The following RUNX2 variants were observed in gnomAD, a reference collection of about 807,000 sequenced individuals.
The protein encoded by RUNX2 is runt-related transcription factor 2.
Under a neutral mutation model 51.7 loss-of-function variants are expected in RUNX2, and 10 were observed. That is an observed-to-expected ratio of 0.19 (90% CI 0.12 to 0.33). The LOEUF (loss-of-function observed/expected upper bound fraction) is 0.33, where lower values mean the gene tolerates loss of function less well. Ranked by LOEUF, RUNX2 falls within the 10% of genes least tolerant of loss-of-function variation. RUNX2 has a pLI of 1.00. For synonymous variants in RUNX2, 276 were observed against 273.6 expected (o/e 1.01, Z -0.09); for missense variants, 562 against 691.3 (o/e 0.81, Z 2.10).
chr6:45,337,333 G>A (rs989505668), intron 2 of RUNX2, among the ~76,000 whole-genome samples: 104 of 151,372 alleles, frequency 6.9e-4, no homozygotes, highest in African/African-American at 2.3e-3. Context: ...TTTCCTGTAC[G>A]TACCTCTTCC....
intron 6 of RUNX2, among the ~76,000 whole-genome samples, chr6:45,496,091 C>T (rs1161781351): frequency 6.6e-6 from 1 of 152,130 alleles, no homozygotes; most frequent in Non-Finnish European, 1.5e-5. Context: ...AACACCTAGT[C>T]TGTCACAAAT....
intron 7 of RUNX2, among the ~76,000 whole-genome samples, chr6:45,522,093 G>C (rs1801524093): frequency 6.6e-6 from 1 of 152,102 alleles, no homozygotes; most frequent in African/African-American, 2.4e-5. Flanking sequence ...TACATTAGTA[G>C]TCCCTGGCAT....
chr6:45,391,294 T>C (rs1797464521), intron 2 of RUNX2, among the ~76,000 whole-genome samples: 2 of 152,182 alleles, frequency 1.3e-5, no homozygotes, highest in African/African-American at 4.8e-5. Flanking sequence ...TGTTAGTTTA[T>C]ATGAGATTCT....
intron 2 of RUNX2, among the ~76,000 whole-genome samples, chr6:45,409,503 A>G (rs1379117883): frequency 6.6e-6 from 1 of 152,190 alleles, no homozygotes; most frequent in African/African-American, 2.4e-5. Flanking sequence ...TTTTCTATGT[A>G]TATCTAGGGT....
intron 6 of RUNX2, among the ~76,000 whole-genome samples, chr6:45,493,548 C>T (rs1800550438): frequency 1.3e-5 from 2 of 151,858 alleles, no homozygotes; most frequent in Non-Finnish European, 2.9e-5. Flanking sequence ...CCCTTGAGTA[C>T]AATGATTGCT....
chr6:45,532,905 CTTTTT>C (rs10706582), intron 7 of RUNX2, among the ~76,000 whole-genome samples: 3 of 125,856 alleles, frequency 2.4e-5, no homozygotes, highest in South Asian at 2.6e-4. Flanking sequence ...AGACCGGGCT[CTTTTT>C]TTTTTTTTTT....
At chr6:45,412,187 C>CA (rs35549153) in intron 2 of RUNX2, among the ~76,000 whole-genome samples, 94,794 of 120,010 alleles carry the variant, frequency 0.79, 37,163 homozygotes, top group South Asian at 0.87. Flanking sequence ...ATAAAAAATA[C>CA]AAAAAAAAAA....
intron 7 of RUNX2, among the ~76,000 whole-genome samples, chr6:45,515,491 A>G (rs1035469368): frequency 2.6e-5 from 4 of 152,194 alleles, no homozygotes; most frequent in African/African-American, 9.6e-5. Flanking sequence ...CTATATCCAT[A>G]TGTAATTTAC....
At chr6:45,374,650 A>G (rs1796521243) in intron 2 of RUNX2, among the ~76,000 whole-genome samples, 1 of 151,378 alleles carries the variant, frequency 6.6e-6, no homozygotes, top group Admixed American at 6.6e-5. Context: ...TCACTATTCA[A>G]CCTCACCATA....
chr6:45,491,847 TTAAACTCCCAGTTTGTATGTTC>T, intron 5 of RUNX2, 72 bp from the exon 6 acceptor site: 1 of 1,299,686 alleles, frequency 7.7e-7, no homozygotes, highest in Non-Finnish European at 1.1e-6. Flanking sequence ...ATTCCTTGGC[TTAAACTCCCAGTTTGTATGTTC>T]ACATATCTAT....
At chr6:45,520,841 C>T (rs1304981258) in intron 7 of RUNX2, among the ~76,000 whole-genome samples, 3 of 152,238 alleles carry the variant, frequency 2.0e-5, no homozygotes, top group East Asian at 3.9e-4. Flanking sequence ...TTGCCTTACC[C>T]TCCCGAGTAG....
At chr6:45,399,377 T>G (rs1797653009) in intron 2 of RUNX2, among the ~76,000 whole-genome samples, 1 of 118,938 alleles carries the variant, frequency 8.4e-6, no homozygotes, top group Non-Finnish European at 1.7e-5. Flanking sequence ...TTTTTTTTTT[T>G]GAGATGGAGT....
chr6:45,481,642 A>G (rs1271933215), intron 5 of RUNX2, among the ~76,000 whole-genome samples: 1 of 152,228 alleles, frequency 6.6e-6, no homozygotes, highest in Non-Finnish European at 1.5e-5. Flanking sequence ...AAACGGAGTC[A>G]GAGAGACTGG....
intron 2 of RUNX2, among the ~76,000 whole-genome samples, chr6:45,384,294 C>G (rs138412886): frequency 0.02 from 3,093 of 150,942 alleles, 60 homozygotes; most frequent in South Asian, 0.087. Context: ...TTGTTTGTTT[C>G]TTTGTTTTTT....
chr6:45,414,666 C>T (rs753547608), intron 2 of RUNX2, among the ~76,000 whole-genome samples: 1 of 151,262 alleles, frequency 6.6e-6, no homozygotes, highest in South Asian at 2.1e-4. Flanking sequence ...CAGCAATCGT[C>T]TAGCCCTGCT....
chr6:45,390,959 G>C (rs1347063889), intron 2 of RUNX2, among the ~76,000 whole-genome samples: 6 of 152,050 alleles, frequency 3.9e-5, no homozygotes, highest in African/African-American at 1.5e-4. Flanking sequence ...TCTTCCCTCT[G>C]ATCAAATCTC....
intron 5 of RUNX2, among the ~76,000 whole-genome samples, chr6:45,449,540 G>A (rs1311661277): frequency 6.6e-6 from 1 of 152,208 alleles, no homozygotes; most frequent in Non-Finnish European, 1.5e-5. Context: ...ATATTTTCCT[G>A]TTTATCCTGT....
intron 6 of RUNX2, among the ~76,000 whole-genome samples, chr6:45,498,922 T>A (rs1426867920): frequency 6.6e-6 from 1 of 152,210 alleles, no homozygotes; most frequent in Middle Eastern, 3.2e-3. Flanking sequence ...GATTCTTTAA[T>A]GTGAAACAAG....
chr6:45,388,882 A>G (rs1797415205), intron 2 of RUNX2, among the ~76,000 whole-genome samples: 1 of 152,210 alleles, frequency 6.6e-6, no homozygotes, highest in Non-Finnish European at 1.5e-5. Context: ...GAGAAATAAT[A>G]AAATTGTTGT....
Sources: gnomAD v4.1 joint callset for allele counts (sites outside exome capture counted in the v4.1 genomes callset) on GRCh38, gnomAD v4.1.1 for gene constraint, MANE v1.5 for transcripts, NCBI Gene and HGNC (gene_info 2026-07-23, HGNC 2026-07-21) for gene names.